Variants in POGLUT3 observed in about 807,000 individuals in gnomAD.
The protein encoded by POGLUT3 is KDEL (Lys-Asp-Glu-Leu) containing 2.
Under a neutral mutation model 54.3 loss-of-function variants are expected in POGLUT3, and 48 were observed. The ratio of observed to expected loss-of-function variants is 0.88; its 90% CI spans 0.70 to 1.12. The LOEUF (loss-of-function observed/expected upper bound fraction) is 1.12, where lower values mean the gene tolerates loss of function less well. POGLUT3 is among the 50% of genes most tolerant of loss of function. The pLI, the probability that POGLUT3 is intolerant of heterozygous loss-of-function variation, is 0.00. For synonymous variants in POGLUT3, 218 were observed against 237.4 expected, an observed-to-expected ratio of 0.92 and a Z score of 0.75; for missense variants, 629 against 618.7, an observed-to-expected ratio of 1.02 and a Z score of -0.18.
rs1190499481 is a variant in POGLUT3, at chr11:108,482,199, A to C, written c.708T>G (p.Phe236Leu). 2 of 1,613,708 alleles carry C rather than the reference A, an allele frequency of 1.2e-6. No individual in the cohort carries two copies. The highest frequency in any genetic ancestry group is 1.7e-6 in the Non-Finnish European group (2 of 1,179,760). The change falls in exon 4 of 8, where the codon TTT becomes TTG. Residue 236 changes from phenylalanine to leucine, a missense_variant. Phe to Leu is a conservative substitution (Grantham distance 22, BLOSUM62 0). Coordinates refer to ENST00000323468, the MANE Select transcript of POGLUT3 (RefSeq NM_153705.5). The stretch of plus-strand genomic sequence containing the variant: ...AGGGCCAATCTCCAAGATTAACATA[A>C]AATTCTAAATCTGGGAGAAGGACCT... ...TRKVLLPDLE[F>L]YVNLGDWPLE...
intron 1 of POGLUT3, among the ~76,000 whole-genome samples, chr11:108,494,025 A>G (rs2093617793): frequency 6.6e-6 from 1 of 152,192 alleles, no homozygotes; most frequent in Non-Finnish European, 1.5e-5. Flanking sequence ...AGCACTTTTT[A>G]TGGGCTTGAG....
chr11:108,479,657 TAAAA>T (rs1361781335), intron 5 of POGLUT3, among the ~76,000 whole-genome samples, 162 bp from the exon 6 acceptor site: 1 of 152,194 alleles, frequency 6.6e-6, no homozygotes, highest in African/African-American at 2.4e-5. Context: ...TCTCTTTGTA[TAAAA>T]ATCACAAGCA....
chr11:108,480,342 CA>C (rs1261830497), intron 5 of POGLUT3, among the ~76,000 whole-genome samples: 2 of 152,144 alleles, frequency 1.3e-5, no homozygotes, highest in African/African-American at 4.8e-5. Flanking sequence ...AAGCTGTCTG[CA>C]TATTTGTTGG....
intron 1 of POGLUT3, among the ~76,000 whole-genome samples, chr11:108,494,045 T>G (rs1009455116): frequency 1.3e-5 from 2 of 152,216 alleles, no homozygotes; most frequent in African/African-American, 4.8e-5. Context: ...GACTTTCATA[T>G]GTATTTTCTA....
chr11:108,474,267 T>C lies in POGLUT3; in HGVS notation c.*560A>G, dbSNP rs988621154. 1 of 152,248 alleles carries C rather than the reference T, an allele frequency of 6.6e-6. No individual in the cohort carries two copies. The highest frequency in any genetic ancestry group is 1.9e-4 in the East Asian group (1 of 5,206). The allele number at this position is 152,248 out of a possible 1,614,324, so 9.4% of individuals were successfully genotyped here. On this transcript the variant is annotated 3_prime_UTR_variant, in exon 8 of 8. Transcript: ENST00000323468. ...CTTTTTAGAGAAACTATGATGCTGATAATAGCAGTTTTTACGCAAAAGATA... is the reference window on the plus strand; with the variant it reads ...CTTTTTAGAGAAACTATGATGCTGACAATAGCAGTTTTTACGCAAAAGATA...
chr11:108,495,976 T>C lies in POGLUT3; in HGVS notation c.202+2189A>G, dbSNP rs1458662229. ...TTAATAGAAACTGTCTGTAAACTTT[T>C]TCGTTTGTTTAAATATATTTATGTA... On this transcript the variant is annotated intron_variant, in intron 1 of 7. Transcript: ENST00000323468. Among the ~76,000 whole-genome samples, 3 of 152,154 alleles carry C rather than the reference T, an allele frequency of 2.0e-5. 1 individual carries two copies. The highest frequency in any genetic ancestry group is 2.0e-4 in the Admixed American group (3 of 15,278).
rs1401007749 is a variant in POGLUT3, at chr11:108,481,361, T to C, written c.917A>G (p.Asn306Ser). 3.8e-6 allele frequency: 6 copies of C among 1,582,336 alleles called. No homozygotes were observed. The highest frequency in any genetic ancestry group is 5.1e-6 in the Non-Finnish European group (6 of 1,171,552). Reference sequence around the variant, plus strand: ...TCTGAAGAAAGCTCTCTCTGTTTTATTGATCCAGGAAGGCCCTACAAGTTT... The same window carrying C: ...TCTGAAGAAAGCTCTCTCTGTTTTACTGATCCAGGAAGGCCCTACAAGTTT... ...IQGNTGPSWI[N>S]KTERAFFRGR... Residue 306 changes from asparagine to serine, a missense_variant, in exon 5 of 8, where the codon AAT becomes AGT. Coordinates refer to ENST00000323468, the MANE Select transcript of POGLUT3 (RefSeq NM_153705.5).
chr11:108,473,048 A>G lies in POGLUT3; in HGVS notation c.*1779T>C, dbSNP rs2135838902. The stretch of plus-strand genomic sequence containing the variant: ...GTAAATATTTCAGTTAGGAGAATAC[A>G]TATTTTTATTTTTATTTTCAGTTTT... On this transcript the variant is annotated 3_prime_UTR_variant, in exon 8 of 8. Coordinates refer to ENST00000323468, the MANE Select transcript of POGLUT3 (RefSeq NM_153705.5). The G allele has an allele frequency of 6.6e-6, 1 of 152,044 alleles. No homozygotes were observed. Among genetic ancestry groups the G allele is most frequent in the South Asian group, 2.1e-4 (1 of 4,806 alleles). 9.4% of individuals were successfully genotyped at this position (152,044 alleles called of 1,614,324 possible).
In POGLUT3 at chr11:108,473,427, C is replaced by A. The variant is rs1355273898; in HGVS notation, c.*1400G>T. 6.6e-6 allele frequency: 1 copy of A among 152,180 alleles called. No homozygotes were observed. Among genetic ancestry groups the A allele is most frequent in the African/African-American group, 2.4e-5 (1 of 41,440 alleles). 9.4% of individuals were successfully genotyped at this position (152,180 alleles called of 1,614,324 possible). A position where few individuals can be genotyped will look rare whatever the true frequency, so the allele number is the denominator to read the frequency against. On this transcript the variant is annotated 3_prime_UTR_variant, in exon 8 of 8. Coordinates refer to ENST00000323468, the MANE Select transcript of POGLUT3 (RefSeq NM_153705.5). ...GAACATGCACTTTAGTGAACTGAAC[C>A]TTGGACTGATGGTTACAAGGAGTAT...
chr11:108,497,904 G>T (rs530723797), intron 1 of POGLUT3, among the ~76,000 whole-genome samples: 2 of 152,324 alleles, frequency 1.3e-5, no homozygotes, highest in East Asian at 3.9e-4. Flanking sequence ...CCCGGGCGCC[G>T]TCCATTCGCA....
At chr11:108,497,764 A>C (rs2093624720) in intron 1 of POGLUT3, among the ~76,000 whole-genome samples, 1 of 152,172 alleles carries the variant, frequency 6.6e-6, no homozygotes, top group South Asian at 2.1e-4. Flanking sequence ...GGCCTAAGCC[A>C]TGTAATCCGA....
At position 108,491,135 on chromosome 11, in the gene POGLUT3, G is replaced by C; in HGVS notation, c.235C>G (p.Leu79Val). The change falls in exon 2 of 8, where the codon CTT becomes GTT. Residue 79 changes from leucine (L) to valine (V), a missense_variant. Transcript: ENST00000323468. ...ETPFKVVVKS[L>V]SPKELVRIHV... ...ATCCGGACCAACTCTTTAGGTGAAA[G>C]AGATTTGACTACGACTTTGAATGGT... The C allele has an allele frequency of 6.2e-7, 1 of 1,600,844 alleles. No homozygotes were observed. The highest frequency in any genetic ancestry group is 1.7e-4 in the Middle Eastern group (1 of 6,004).
chr11:108,487,106 T>C (rs781275695), intron 2 of POGLUT3: 1 of 152,238 alleles, frequency 6.6e-6, no homozygotes, highest in African/African-American at 2.4e-5. Context: ...GACATTCCTT[T>C]CTATTGATTC....
intron 7 of POGLUT3, among the ~76,000 whole-genome samples, chr11:108,476,966 C>T (rs2093583111): frequency 6.6e-6 from 1 of 152,152 alleles, no homozygotes; most frequent in South Asian, 2.1e-4. Context: ...AAATGTTTTT[C>T]TCTGAGGTTC....
At chr11:108,479,275 A>G (rs771348641) in intron 6 of POGLUT3, 26 bp downstream of exon 6, 1 of 1,536,788 alleles carries the variant, frequency 6.5e-7, no homozygotes, top group South Asian at 1.2e-5. Context: ...TATTGCTTAA[A>G]GAAATAAAAA....
intron 6 of POGLUT3, among the ~76,000 whole-genome samples, chr11:108,478,902 CA>C (rs2093587303): frequency 6.6e-6 from 1 of 152,198 alleles, no homozygotes; most frequent in African/African-American, 2.4e-5. Flanking sequence ...AACACGCATT[CA>C]TTAAGAATTT....
rs752401604 is a variant in POGLUT3 at position 108,491,090 on chromosome 11, C to A, written c.280G>T (p.Asp94Tyr). 1 of 1,613,926 alleles carries A rather than the reference C, an allele frequency of 6.2e-7. No homozygotes were observed. The highest frequency in any genetic ancestry group is 8.5e-7 in the Non-Finnish European group (1 of 1,179,974). Reference sequence around the variant, plus strand: ...ATCAAAAATGTTCCATCATTCCTGTCCAAAGGTTTAGGGACATGTATCCGG... The same window carrying A: ...ATCAAAAATGTTCCATCATTCCTGTACAAAGGTTTAGGGACATGTATCCGG... ...LVRIHVPKPL[D>Y]RNDGTFLMRY... Residue 94 changes from aspartate (D) to tyrosine (Y), a missense_variant, in exon 2 of 8, where the codon GAC becomes TAC. Physicochemically the swap from Asp to Tyr is radical, Grantham distance 160. Transcript: ENST00000323468.
At position 108,491,107 on chromosome 11, in the gene POGLUT3, T is replaced by C. The variant is rs2093612420; in HGVS notation, c.263A>G (p.His88Arg). The change falls in exon 2 of 8, where the codon CAT becomes CGT. Residue 88 changes from histidine (H) to arginine (R), a missense_variant. Coordinates refer to ENST00000323468, the MANE Select transcript of POGLUT3 (RefSeq NM_153705.5). ...SLSPKELVRI[H>R]VPKPLDRNDG... is the part of the protein sequence containing the mutation. The stretch of plus-strand genomic sequence containing the variant: ...ATTCCTGTCCAAAGGTTTAGGGACA[T>C]GTATCCGGACCAACTCTTTAGGTGA... The C allele has an allele frequency of 6.2e-7, 1 of 1,614,134 alleles. No homozygotes were observed. Among genetic ancestry groups the C allele is most frequent in the Non-Finnish European group, 8.5e-7 (1 of 1,179,964 alleles).
At position 108,472,912 on chromosome 11, in the gene POGLUT3, A is replaced by G. The variant is rs928564468; in HGVS notation, c.*1915T>C. 6.6e-6 allele frequency: 1 copy of G among 152,212 alleles called. No homozygotes were observed. The highest frequency in any genetic ancestry group is 6.5e-5 in the Admixed American group (1 of 15,282). The allele number at this position is 152,212 out of a possible 1,614,324, so 9.4% of individuals were successfully genotyped here. On this transcript the variant is annotated 3_prime_UTR_variant, in exon 8 of 8. Transcript: ENST00000323468. ...AGTTTGCCTTGGATACTTGGCATTG[A>G]TTAGACTGTTCTGAAATTTGGTTAT...
Sources: gnomAD v4.1 joint callset for allele counts (sites outside exome capture counted in the v4.1 genomes callset) on GRCh38, gnomAD v4.1.1 for gene constraint, MANE v1.5 for transcripts, NCBI Gene and HGNC (gene_info 2026-07-23, HGNC 2026-07-21) for gene names.